Variants in TBXAS1 observed in about 807,000 individuals in gnomAD.
The protein encoded by TBXAS1 is thromboxane A synthase 1.
TBXAS1 carries 48 observed loss-of-function variants against 60.7 expected under a neutral mutation model. The ratio of observed to expected loss-of-function variants is 0.79; its 90% CI spans 0.63 to 1.01. TBXAS1 has a LOEUF of 1.01. Ranked by LOEUF, TBXAS1 falls within the 50% of genes least tolerant of loss-of-function variation. TBXAS1 has a pLI of 0.00. For missense variants in TBXAS1, 685 were observed against 686.3 expected, an observed-to-expected ratio of 1.00 and a Z score of 0.02; for synonymous variants, 287 against 269.7, an observed-to-expected ratio of 1.06 and a Z score of -0.63.
intron 9 of TBXAS1, among the ~76,000 whole-genome samples, chr7:139,978,522 A>G (rs1811721413): frequency 6.6e-6 from 1 of 151,836 alleles, no homozygotes; most frequent in Admixed American, 6.6e-5. Context: ...AAAAAAAAAG[A>G]AAGAAAAAAG....
chr7:139,895,154 G>A (rs1195815952), intron 3 of TBXAS1, among the ~76,000 whole-genome samples: 1 of 152,176 alleles, frequency 6.6e-6, no homozygotes, highest in Non-Finnish European at 1.5e-5. Context: ...GAATAAGGGG[G>A]AGGTGAGGGC....
At chr7:139,967,505 G>A (rs1322303145) in intron 9 of TBXAS1, among the ~76,000 whole-genome samples, 2 of 152,194 alleles carry the variant, frequency 1.3e-5, no homozygotes, top group Admixed American at 1.3e-4. Flanking sequence ...AGTTCAACGG[G>A]AAGAAGCAAG....
chr7:139,785,283 A>G (rs1439559602), intron 3 of TBXAS1, among the ~76,000 whole-genome samples: 1 of 151,744 alleles, frequency 6.6e-6, no homozygotes, highest in African/African-American at 2.4e-5. Flanking sequence ...TGATCTCTAG[A>G]TCTCTGAGGC....
intron 4 of TBXAS1, among the ~76,000 whole-genome samples, chr7:139,912,561 T>C (rs988294984): frequency 2.6e-5 from 4 of 152,328 alleles, no homozygotes; most frequent in African/African-American, 9.6e-5. Flanking sequence ...GTGTAGGTGC[T>C]GACTGTAAAG....
At chr7:139,887,292 T>G (rs1803186382) in intron 3 of TBXAS1, among the ~76,000 whole-genome samples, 1 of 152,330 alleles carries the variant, frequency 6.6e-6, no homozygotes, top group South Asian at 2.1e-4. Context: ...CAAAATGTAC[T>G]CTCCTATTTT....
chr7:139,821,415 T>A (rs1024479958), intron 4 of TBXAS1, among the ~76,000 whole-genome samples: 3 of 152,174 alleles, frequency 2.0e-5, no homozygotes, highest in Non-Finnish European at 4.4e-5. Context: ...AAAAGCCAAG[T>A]GAGTGGATGA....
chr7:139,866,127 A>G (rs1007448555), intron 1 of TBXAS1, among the ~76,000 whole-genome samples: 8 of 152,220 alleles, frequency 5.3e-5, no homozygotes, highest in African/African-American at 1.9e-4. Context: ...TACCAACGGT[A>G]GGACTAGCTG....
chr7:139,851,014 C>G (rs372294164), intron 1 of TBXAS1, among the ~76,000 whole-genome samples: 6 of 152,284 alleles, frequency 3.9e-5, no homozygotes, highest in African/African-American at 1.4e-4. Context: ...TAGAGAAGCC[C>G]TGGGTAACTA....
chr7:139,913,951 A>G (rs1805748066), intron 4 of TBXAS1: 1 of 151,900 alleles, frequency 6.6e-6, no homozygotes, highest in East Asian at 1.9e-4. Context: ...TGCCTTGCTC[A>G]CGCTGACACT....
upstream of TBXAS1, among the ~76,000 whole-genome samples, chr7:139,825,351 T>C (rs886586024): frequency 1.3e-5 from 2 of 152,150 alleles, no homozygotes; most frequent in Non-Finnish European, 2.9e-5. Flanking sequence ...CACTCCATCC[T>C]GGCTAATTTA....
chr7:139,995,667 T>G (rs546375967), intron 9 of TBXAS1, among the ~76,000 whole-genome samples: 1 of 152,298 alleles, frequency 6.6e-6, no homozygotes, highest in African/African-American at 2.4e-5. Flanking sequence ...CATTGTGAAG[T>G]TGTAGTCCTT....
At chr7:139,803,770 A>G (rs1218805318) in intron 4 of TBXAS1, among the ~76,000 whole-genome samples, 1 of 152,218 alleles carries the variant, frequency 6.6e-6, no homozygotes, top group Non-Finnish European at 1.5e-5. Context: ...CAGAGGGTGC[A>G]AGTCCCAAAT....
chr7:139,799,603 C>T (rs1011324366), intron 4 of TBXAS1, among the ~76,000 whole-genome samples: 2 of 152,248 alleles, frequency 1.3e-5, no homozygotes, highest in African/African-American at 2.4e-5. Context: ...AGATACACCC[C>T]CCTTTGGCTT....
chr7:139,962,304 A>C (rs1584961304), intron 9 of TBXAS1, 71 bp downstream of exon 9: 1 of 1,571,248 alleles, frequency 6.4e-7, no homozygotes, highest in East Asian at 2.2e-5. Context: ...TGTGGGAGTG[A>C]AACTTATTTT....
chr7:139,881,467 G>A lies in TBXAS1; in HGVS notation c.236+5830G>A, dbSNP rs1416389747. ...GACACACCCTTTTTCCCCCCCTCCA[G>A]GAGGGTAGAGTTCCATCTGGAAATT... On this transcript the variant is annotated intron_variant, in intron 3 of 12. Transcript: ENST00000448866. Among the ~76,000 whole-genome samples, 7 of 147,404 alleles carry A rather than the reference G, an allele frequency of 4.7e-5. 1 individual carries two copies. Among genetic ancestry groups the A allele is most frequent in the Middle Eastern group, 6.8e-3 (2 of 292 alleles).
chr7:139,890,312 T>C (rs967221844), intron 3 of TBXAS1, among the ~76,000 whole-genome samples: 1 of 139,724 alleles, frequency 7.2e-6, no homozygotes, highest in African/African-American at 2.7e-5. Flanking sequence ...GCCTTCCGGG[T>C]TCACACCATT....
intron 1 of TBXAS1, among the ~76,000 whole-genome samples, chr7:139,868,821 A>T (rs1569504431): frequency 7.0e-6 from 1 of 142,992 alleles, no homozygotes; most frequent in Non-Finnish European, 1.5e-5. Flanking sequence ...TACCTTTTGT[A>T]TTTTTTTTTT....
At chr7:139,982,598 G>A (rs1002284362) in intron 9 of TBXAS1, among the ~76,000 whole-genome samples, 1 of 152,072 alleles carries the variant, frequency 6.6e-6, no homozygotes, top group South Asian at 2.1e-4. Context: ...CTTATAAATG[G>A]AACAAAAAGT....
At chr7:139,899,470 C>CA (rs905869747) in intron 3 of TBXAS1, among the ~76,000 whole-genome samples, 9 of 152,120 alleles carry the variant, frequency 5.9e-5, no homozygotes, top group East Asian at 5.8e-4. Context: ...TGGTCAGTTT[C>CA]AAAAAAGAGA....
Sources: allele counts gnomAD v4.1 joint callset (sites outside exome capture counted in the v4.1 genomes callset), GRCh38; gene constraint gnomAD v4.1.1; transcripts MANE v1.5; gene names NCBI Gene and HGNC (gene_info 2026-07-23, HGNC 2026-07-21).